Variants in ZNF326 observed in about 807,000 individuals in gnomAD.
ZNF326 encodes DBIRD complex subunit ZNF326.
Under a neutral mutation model 63.1 loss-of-function variants are expected in ZNF326, and 30 were observed. That is an observed-to-expected ratio of 0.48 (90% CI 0.36 to 0.64). The LOEUF is 0.64. Among genes scored for constraint, ZNF326 ranks in the 30% least tolerant of loss-of-function variants. ZNF326 has a pLI of 0.00. For missense variants in ZNF326, 609 were observed against 720.3 expected (o/e 0.85, Z 1.77); for synonymous variants, 194 against 228.2 (o/e 0.85, Z 1.35).
At chr1:90,026,018 C>T (rs1381655676) in intron 11 of ZNF326, among the ~76,000 whole-genome samples, 10 of 151,048 alleles carry the variant, frequency 6.6e-5, no homozygotes, top group Admixed American at 3.3e-4. Context: ...CCAGGCCATG[C>T]AGTGGCGCGA....
rs547577801 is a variant in ZNF326, at chr1:90,027,556, T to C, written c.1604T>C (p.Ile535Thr). 2.5e-6 allele frequency: 4 copies of C among 1,604,708 alleles called. No individual in the cohort carries two copies. The highest frequency in any genetic ancestry group is 2.7e-5 in the African/African-American group (2 of 73,496). Residue 535 changes from isoleucine (I) to threonine (T), a missense_variant, in exon 12 of 12, where the codon ATA (isoleucine) becomes ACA (threonine). Coordinates refer to ENST00000340281, the MANE Select transcript of ZNF326 (RefSeq NM_182976.4). The part of the protein sequence containing the change: ...REGGIEGEGN[I>T]QGVGEGGEVG... ...GGAGGAATAGAGGGCGAGGGAAATA[T>C]ACAGGGAGTAGGGGAAGGAGGGGAA...
At chr1:90,014,155 TA>T (rs562603634) in intron 7 of ZNF326, among the ~76,000 whole-genome samples, 6 of 148,880 alleles carry the variant, frequency 4.0e-5, no homozygotes, top group Admixed American at 6.7e-5. Flanking sequence ...ATGAATGTAG[TA>T]AAAAAAAAAT....
At chr1:90,001,357 G>T (rs1257104451) in intron 2 of ZNF326, among the ~76,000 whole-genome samples, 1 of 152,142 alleles carries the variant, frequency 6.6e-6, no homozygotes, top group Non-Finnish European at 1.5e-5. Flanking sequence ...CAGAATTATT[G>T]TGGCTGTTGT....
At position 90,018,800 on chromosome 1, in the gene ZNF326, A is replaced by C; in HGVS notation, c.1174+16A>C. ...GTTATGGAAGGTAAGTATTTAAAAC[A>C]AATTATTTTAAAATTCTACATGTAT... On this transcript the variant is annotated intron_variant, in intron 9 of 11. Transcript: ENST00000340281. 1.4e-6 allele frequency: 2 copies of C among 1,407,732 alleles called. No individual in the cohort carries two copies. Among genetic ancestry groups the C allele is most frequent in the Non-Finnish European group, 2.0e-6 (2 of 1,023,446 alleles). The allele number at this position is 1,407,732 out of a possible 1,614,324, so 87.2% of individuals were successfully genotyped here.
At position 89,997,740 on chromosome 1, in the gene ZNF326, C is replaced by T. The variant is rs539274525; in HGVS notation, c.17-370C>T. Among the ~76,000 whole-genome samples the T allele has an allele frequency of 1.2e-3, 187 of 152,282 alleles. 1 individual carries two copies. Among genetic ancestry groups the T allele is most frequent in the Middle Eastern group, 6.8e-3 (2 of 294 alleles). ...TTAACTTAGCAAAAATTTCATGTTA[C>T]GTACAATTCTCAGATGTCTTTGCTT... On this transcript the variant is annotated intron_variant, in intron 1 of 11. Transcript: ENST00000340281.
At chr1:90,027,274 T>C in intron 11 of ZNF326, 80 bp from the exon 12 acceptor site, 1 of 1,318,058 alleles carries the variant, frequency 7.6e-7, no homozygotes, top group Non-Finnish European at 1.1e-6. Flanking sequence ...TTTCTCATGA[T>C]ATGGCAAGTA....
chr1:89,995,157 G>C lies in ZNF326; in HGVS notation c.-101G>C. On this transcript the variant is annotated 5_prime_UTR_variant, in exon 1 of 12. Transcript: ENST00000340281. The stretch of plus-strand genomic sequence containing the variant: ...CCCGGGCTGGTAGCGCGCCGCTCTC[G>C]GTCGCGCGGAGTGATCGTGTGGAAT... 7 of 1,409,270 alleles carry C rather than the reference G, an allele frequency of 5.0e-6. No homozygotes were observed. The highest frequency in any genetic ancestry group is 2.8e-5 in the East Asian group (1 of 35,210). 87.3% of individuals were successfully genotyped at this position (1,409,270 alleles called of 1,614,324 possible).
intron 2 of ZNF326, among the ~76,000 whole-genome samples, chr1:90,002,028 A>T (rs967621637): frequency 6.6e-6 from 1 of 152,222 alleles, no homozygotes; most frequent in Admixed American, 6.5e-5. Flanking sequence ...GTAAATTACT[A>T]TCATTTAAGA....
Position 90,031,050 on chromosome 1 carries a change from A to C in ZNF326, c.*3349A>C, listed in dbSNP as rs955523095. 6.6e-6 allele frequency: 1 copy of C among 152,192 alleles called. No individual in the cohort carries two copies. Among genetic ancestry groups the C allele is most frequent in the African/African-American group, 2.4e-5 (1 of 41,440 alleles). 9.4% of individuals were successfully genotyped at this position (152,192 alleles called of 1,614,324 possible). A position where few individuals can be genotyped will look rare whatever the true frequency, so the allele number is the denominator to read the frequency against. ...CTTTGAGGACATTCATAGGGCCCTC[A>C]TACAAATTTCTGGTGCCTGTAACTC... is the stretch of plus-strand genomic sequence containing the variant. On this transcript the variant is annotated 3_prime_UTR_variant, in exon 12 of 12. Coordinates refer to ENST00000340281, the MANE Select transcript of ZNF326 (RefSeq NM_182976.4).
Position 90,007,438 on chromosome 1 carries a change from C to T in ZNF326, c.303C>T (p.Ser101=). Residue 101 remains serine, a synonymous_variant, in exon 5 of 12, where the codon AGC becomes AGT. Transcript: ENST00000340281. This position sits in a 1 kb window ranked among gnomAD's most constrained non-coding sequence, Gnocchi z 4.9. ...ATGGTTTTAATGAACCCGAACAAAG[C>T]CGCTTCGGAGGTAGTTATGGTGGTC... The part of the protein sequence containing the change: ...SGYGFNEPEQ[S]RFGGSYGGRF... 6.2e-7 allele frequency: 1 copy of T among 1,614,082 alleles called. No individual in the cohort carries two copies. The highest frequency in any genetic ancestry group is 1.1e-5 in the South Asian group (1 of 91,080).
chr1:90,025,071 C>T (rs1236445246), intron 11 of ZNF326, among the ~76,000 whole-genome samples: 1 of 151,058 alleles, frequency 6.6e-6, no homozygotes, highest in African/African-American at 2.4e-5. Flanking sequence ...AGACTTTGGC[C>T]CACCCTATTT....
intron 11 of ZNF326, among the ~76,000 whole-genome samples, chr1:90,026,901 A>G (rs1180350062): frequency 6.6e-6 from 1 of 152,188 alleles, no homozygotes; most frequent in Non-Finnish European, 1.5e-5. Flanking sequence ...TTAAAAGTAG[A>G]AGTAAGGCAT....
chr1:89,996,281 A>G (rs78262976), intron 1 of ZNF326, among the ~76,000 whole-genome samples: 1,725 of 152,340 alleles, frequency 0.011, 17 homozygotes, highest in Middle Eastern at 0.024. Context: ...AAGTAAAACC[A>G]GTTCACTAAG....
chr1:90,005,609 A>T lies in ZNF326; in HGVS notation c.209+365A>T, dbSNP rs1288613797. 3 of 913,234 alleles carry T rather than the reference A, an allele frequency of 3.3e-6. No homozygotes were observed. The African/African-American group carries it at 5.4e-5, about 16-fold the overall frequency. 56.6% of individuals were successfully genotyped at this position (913,234 alleles called of 1,614,324 possible). A position where few individuals can be genotyped will look rare whatever the true frequency, so the allele number is the denominator to read the frequency against. On this transcript the variant is annotated intron_variant, in intron 4 of 11. Transcript: ENST00000340281. ...TTTATGAAGCTTTTTCTTAATAATTAAAAAAAATCTTTTCTAATGTGGGGT... is the reference window on the plus strand; with the variant it reads ...TTTATGAAGCTTTTTCTTAATAATTTAAAAAAATCTTTTCTAATGTGGGGT...
Position 90,033,474 on chromosome 1 carries a change from TCCTC to T in ZNF326, c.*5774_*5777del, listed in dbSNP as rs930853940. 1.3e-5 allele frequency: 2 copies of T among 152,178 alleles called. No individual in the cohort carries two copies. Among genetic ancestry groups the T allele is most frequent in the Non-Finnish European group, 2.9e-5 (2 of 68,016 alleles). 9.4% of individuals were successfully genotyped at this position (152,178 alleles called of 1,614,324 possible). On this transcript the variant is annotated 3_prime_UTR_variant, in exon 12 of 12. Coordinates refer to ENST00000340281, the MANE Select transcript of ZNF326 (RefSeq NM_182976.4). ...CTACTTATAATAGTTTCATATGTAA[TCCTC>T]ATCATATTATATGTCATAATCTTCA...
At chr1:90,009,274 C>T (rs1649129764) in intron 5 of ZNF326, among the ~76,000 whole-genome samples, 1 of 152,096 alleles carries the variant, frequency 6.6e-6, no homozygotes, top group South Asian at 2.1e-4. Flanking sequence ...CCCCTTGGGT[C>T]CTTCTCTTCA....
At chr1:90,026,685 CTG>C (rs1290910674) in intron 11 of ZNF326, among the ~76,000 whole-genome samples, 1 of 152,144 alleles carries the variant, frequency 6.6e-6, no homozygotes. Flanking sequence ...CTACACATTC[CTG>C]TGTCATTCAT....
chr1:90,033,552 A>G lies in ZNF326; in HGVS notation c.*5851A>G, dbSNP rs1650361177. On this transcript the variant is annotated 3_prime_UTR_variant, in exon 12 of 12. Transcript: ENST00000340281. ...AATTTTAAAAATGCAAGTTGCTATA[A>G]AGAAGTATCTTGGAAATAAACAGTT... The G allele has an allele frequency of 6.6e-6, 1 of 152,188 alleles. No homozygotes were observed. The highest frequency in any genetic ancestry group is 1.5e-5 in the Non-Finnish European group (1 of 68,008). 9.4% of individuals were successfully genotyped at this position (152,188 alleles called of 1,614,324 possible). A position where few individuals can be genotyped will look rare whatever the true frequency, so the allele number is the denominator to read the frequency against.
chr1:89,997,195 C>G (rs992223860), intron 1 of ZNF326, among the ~76,000 whole-genome samples: 1 of 152,064 alleles, frequency 6.6e-6, no homozygotes, highest in African/African-American at 2.4e-5. Flanking sequence ...TCCAGATGAC[C>G]ACTATATTAA....
Sources: allele counts gnomAD v4.1 joint callset (sites outside exome capture counted in the v4.1 genomes callset), GRCh38; gene constraint gnomAD v4.1.1; non-coding constraint Gnocchi (gnomAD v3.1); transcripts MANE v1.5; gene names NCBI Gene and HGNC (gene_info 2026-07-23, HGNC 2026-07-21).